The following ANGPT2 variants were observed in gnomAD, a reference collection of about 807,000 sequenced individuals.
ANGPT2 encodes angiopoietin 2, also known as angiopoietin-2.
In ANGPT2, 28 loss-of-function variants were observed where a neutral mutation model predicts 62.9. That is an observed-to-expected ratio of 0.44 (90% CI 0.33 to 0.61). The LOEUF is 0.61. Among genes scored for constraint, ANGPT2 ranks in the 20% least tolerant of loss-of-function variants. The probability of loss-of-function intolerance (pLI) is 0.03; values close to 1 mark genes in which losing one functional copy is unlikely to be tolerated. For synonymous variants in ANGPT2, 284 were observed against 207.8 expected, an observed-to-expected ratio of 1.37 and a Z score of -3.15; for missense variants, 727 against 594.9, an observed-to-expected ratio of 1.22 and a Z score of -2.31.
chr8:6,505,419 ACATAAAGAATATATATATTC>A (rs1813316393), intron 8 of ANGPT2, among the ~76,000 whole-genome samples: 1 of 69,716 alleles, frequency 1.4e-5, no homozygotes, highest in Non-Finnish European at 3.2e-5. Flanking sequence ...TTCTTTATAT[ACATAAAGAATATATATATTC>A]TTTATATACA....
chr8:6,509,755 C>G (rs1265433539), intron 7 of ANGPT2, among the ~76,000 whole-genome samples: 2 of 152,144 alleles, frequency 1.3e-5, no homozygotes, highest in African/African-American at 4.8e-5. Context: ...ATACACCTGA[C>G]CTTTGGAGCA....
At chr8:6,506,397 A>G (rs73199028) in intron 8 of ANGPT2, among the ~76,000 whole-genome samples, 12,777 of 152,068 alleles carry the variant, frequency 0.084, 667 homozygotes, top group African/African-American at 0.16. Flanking sequence ...CTCTTTTCCA[A>G]TTACATTCTC....
intron 1 of ANGPT2, among the ~76,000 whole-genome samples, chr8:6,538,004 TG>T (rs1296285588): frequency 6.6e-6 from 1 of 152,200 alleles, no homozygotes; most frequent in Non-Finnish European, 1.5e-5. Context: ...TTGAATTTTC[TG>T]GTAAATTAAC....
At chr8:6,522,937 C>T (rs1817640923) in intron 3 of ANGPT2, among the ~76,000 whole-genome samples, 1 of 152,232 alleles carries the variant, frequency 6.6e-6, no homozygotes, top group South Asian at 2.1e-4. Flanking sequence ...AAAATCTAAC[C>T]AGCGCTATGG....
At position 6,505,472 on chromosome 8, in the gene ANGPT2, C is replaced by T. The variant is rs10093839; in HGVS notation, c.1328-2211G>A. On this transcript the variant is annotated intron_variant, in intron 8 of 8. Coordinates refer to ENST00000629816, the MANE Select transcript of ANGPT2 (RefSeq NM_001118887.2). ...ACATATAGAATATATATATTCTTTA[C>T]ATATATAGAATATATATATTCTTTA... Among the ~76,000 whole-genome samples the T allele has an allele frequency of 8.4e-3, 353 of 41,784 alleles. 2 individuals carry two copies. Among genetic ancestry groups the T allele is most frequent in the African/African-American group, 0.018 (200 of 10,956 alleles). 27.4% of individuals were successfully genotyped at this position (41,784 alleles called of 152,430 possible).
At chr8:6,550,688 C>G (rs1050811171) in intron 1 of ANGPT2, among the ~76,000 whole-genome samples, 1 of 152,160 alleles carries the variant, frequency 6.6e-6, no homozygotes, top group Non-Finnish European at 1.5e-5. Context: ...TTTTTAAAAT[C>G]TGTTTTATTG....
chr8:6,548,708 A>G (rs1823053184), intron 1 of ANGPT2, among the ~76,000 whole-genome samples: 1 of 152,322 alleles, frequency 6.6e-6, no homozygotes, highest in African/African-American at 2.4e-5. Flanking sequence ...CACAGAAGCA[A>G]GCTCCCATTG....
At chr8:6,516,460 T>C (rs1816292232) in intron 5 of ANGPT2, among the ~76,000 whole-genome samples, 1 of 152,174 alleles carries the variant, frequency 6.6e-6, no homozygotes, top group Non-Finnish European at 1.5e-5. Context: ...TCCACTGACA[T>C]CATGCTGCCA....
At chr8:6,531,175 C>G (rs1203771079) in intron 2 of ANGPT2, among the ~76,000 whole-genome samples, 1 of 151,792 alleles carries the variant, frequency 6.6e-6, no homozygotes, top group African/African-American at 2.4e-5. Context: ...CCTTTCCCAC[C>G]CAGGCCGTTC....
At chr8:6,507,178 G>A (rs768269215) in intron 8 of ANGPT2, among the ~76,000 whole-genome samples, 19 of 152,172 alleles carry the variant, frequency 1.2e-4, no homozygotes, top group Admixed American at 3.3e-4. Flanking sequence ...GATTACAAGC[G>A]GGGGCCACCA....
intron 4 of ANGPT2, among the ~76,000 whole-genome samples, 191 bp from the exon 5 acceptor site, chr8:6,520,182 A>AT (rs919460984): frequency 2.1e-4 from 32 of 152,298 alleles, no homozygotes; most frequent in African/African-American, 6.7e-4. Context: ...TCAAAAGATT[A>AT]ATACTTACTT....
At chr8:6,514,450 A>C (rs1815830796) in intron 6 of ANGPT2, among the ~76,000 whole-genome samples, 1 of 152,122 alleles carries the variant, frequency 6.6e-6, no homozygotes, top group Admixed American at 6.5e-5. Context: ...CGGCCTCCCA[A>C]AGTGCTGGGA....
chr8:6,521,481 A>G (rs751054124), intron 3 of ANGPT2, 71 bp from the exon 4 acceptor site: 8 of 1,110,840 alleles, frequency 7.2e-6, no homozygotes, highest in Non-Finnish European at 8.8e-6. Flanking sequence ...TTGAATTTCT[A>G]CTTCTCCAAG....
At chr8:6,511,740 C>G (rs1815144444) in intron 7 of ANGPT2, among the ~76,000 whole-genome samples, 1 of 152,110 alleles carries the variant, frequency 6.6e-6, no homozygotes, top group Admixed American at 6.5e-5. Flanking sequence ...GTGTGTTTTT[C>G]TAAATGGCCT....
chr8:6,523,578 AG>A, intron 3 of ANGPT2, among the ~76,000 whole-genome samples: 1 of 146,470 alleles, frequency 6.8e-6, no homozygotes, highest in Non-Finnish European at 1.5e-5. Context: ...GGTATTTGGC[AG>A]GGTTTTTTGT....
chr8:6,530,697 C>T (rs911488595), intron 2 of ANGPT2, among the ~76,000 whole-genome samples: 1 of 152,052 alleles, frequency 6.6e-6, no homozygotes, highest in Non-Finnish European at 1.5e-5. Context: ...TTTTCTTGAA[C>T]TGTTGTGATA....
At position 6,562,976 on chromosome 8, in the gene ANGPT2, G is replaced by A. The variant is rs373898279; in HGVS notation, c.-42C>T. 1.9e-6 allele frequency: 3 copies of A among 1,545,386 alleles called. No homozygotes were observed. Among genetic ancestry groups the A allele is most frequent in the South Asian group, 2.5e-5 (2 of 80,766 alleles). ...AACCAGCAGCTTAGCAAACTTGAGG[G>A]CAAACACACGTCCAGAGTCCCGAGC... is the stretch of plus-strand genomic sequence containing the variant. On this transcript the variant is annotated 5_prime_UTR_variant, in exon 1 of 9. Transcript: ENST00000629816.
chr8:6,551,756 C>G (rs751806529), intron 1 of ANGPT2, among the ~76,000 whole-genome samples: 1 of 152,144 alleles, frequency 6.6e-6, no homozygotes, highest in African/African-American at 2.4e-5. Flanking sequence ...CATATACCCC[C>G]AAATATTAAG....
chr8:6,524,078 GA>G (rs1817889414), intron 3 of ANGPT2, among the ~76,000 whole-genome samples: 1 of 152,070 alleles, frequency 6.6e-6, no homozygotes, highest in Non-Finnish European at 1.5e-5. Context: ...TTTAAAAATA[GA>G]AAAACAGTGA....
Sources: allele counts gnomAD v4.1 joint callset (sites outside exome capture counted in the v4.1 genomes callset), GRCh38; gene constraint gnomAD v4.1.1; transcripts MANE v1.5; gene names NCBI Gene and HGNC (gene_info 2026-07-23, HGNC 2026-07-21).